Variants in AP2M1 observed in about 807,000 individuals in gnomAD.
AP2M1 encodes adaptor related protein complex 2 subunit mu 1, also known as AP-2 complex subunit mu.
In AP2M1, 5 loss-of-function variants were observed where a neutral mutation model predicts 54.5. That is an observed-to-expected ratio of 0.09 (90% confidence interval 0.05 to 0.19). The LOEUF is 0.19. AP2M1 is among the 10% of genes least tolerant of loss of function. The probability of loss-of-function intolerance (pLI) is 1.00; values close to 1 mark genes in which losing one functional copy is unlikely to be tolerated. For missense variants in AP2M1, 178 were observed against 580.2 expected (o/e 0.31, Z 7.12); for synonymous variants, 186 against 208.2 (o/e 0.89, Z 0.92).
chr3:184,181,509 G>T lies in AP2M1; in HGVS notation c.708-187G>T. Reference sequence around the variant, plus strand: ...GAAACACCCAGGTCCCTAGCAGAAGGAGCCCCAAGAGATGAGCTTGCAAGG... The same window carrying T: ...GAAACACCCAGGTCCCTAGCAGAAGTAGCCCCAAGAGATGAGCTTGCAAGG... On this transcript the variant is annotated intron_variant, in intron 7 of 11. Transcript: ENST00000292807. This position sits in a 1 kb window ranked among gnomAD's most constrained non-coding sequence, Gnocchi z 5.7. 1 of 883,414 alleles carries T rather than the reference G, an allele frequency of 1.1e-6. No homozygotes were observed. The highest frequency in any genetic ancestry group is 1.7e-5 in the South Asian group (1 of 57,318). 54.7% of individuals were successfully genotyped at this position (883,414 alleles called of 1,614,324 possible). A position where few individuals can be genotyped will look rare whatever the true frequency, so the allele number is the denominator to read the frequency against.
In AP2M1 at chr3:184,181,110, G is replaced by A. The variant is rs771453400; in HGVS notation, c.591G>A (p.Ser197=). 40 of 1,614,030 alleles carry A rather than the reference G, an allele frequency of 2.5e-5. No homozygotes were observed. The highest frequency in any genetic ancestry group is 2.0e-4 in the South Asian group (18 of 91,076). The change falls in exon 7 of 12, where the codon TCG becomes TCA. Residue 197 remains serine (S), a synonymous_variant. Transcript: ENST00000292807. This position sits in a 1 kb window ranked among gnomAD's most constrained non-coding sequence, Gnocchi z 5.7. ...GGCAGGTGCTGAGTGCCCATGTGTCGGGCCGGGTGGTGATGAAGAGCTACC... is the reference window on the plus strand; with the variant it reads ...GGCAGGTGCTGAGTGCCCATGTGTCAGGCCGGGTGGTGATGAAGAGCTACC... ...PQGQVLSAHV[S]GRVVMKSYLS...
In AP2M1 at chr3:184,181,275, C is replaced by A. The variant is rs1386981023; in HGVS notation, c.707+49C>A. 3.1e-6 allele frequency: 5 copies of A among 1,609,270 alleles called. No homozygotes were observed. The highest frequency in any genetic ancestry group is 2.5e-6 in the Non-Finnish European group (3 of 1,177,322). ...GGGAGAGGGTGTCCCTTGGAGGGCT[C>A]AGTGGGGTCTAGTGAACCACAAGTT... is the stretch of plus-strand genomic sequence containing the variant. On this transcript the variant is annotated intron_variant, in intron 7 of 11. Transcript: ENST00000292807. This position sits in a 1 kb window ranked among gnomAD's most constrained non-coding sequence, Gnocchi z 5.7.
chr3:184,179,148 G>A, intron 3 of AP2M1, 26 bp downstream of exon 3: 1 of 1,607,924 alleles, frequency 6.2e-7, no homozygotes, highest in Non-Finnish European at 8.5e-7. Flanking sequence ...TGGCACGGCA[G>A]CGGGCGTAGG....
chr3:184,183,138 T>C lies in AP2M1; in HGVS notation c.1173+270T>C. 1 of 562,850 alleles carries C rather than the reference T, an allele frequency of 1.8e-6. No individual in the cohort carries two copies. The allele number at this position is 562,850 out of a possible 1,614,324, so 34.9% of individuals were successfully genotyped here. A position where few individuals can be genotyped will look rare whatever the true frequency, so the allele number is the denominator to read the frequency against. Reference sequence around the variant, plus strand: ...TTTAAATGCCAGGTAAGACACAAAGTTTACTTACAGACAGGATAATGGGCT... The same window carrying C: ...TTTAAATGCCAGGTAAGACACAAAGCTTACTTACAGACAGGATAATGGGCT... On this transcript the variant is annotated intron_variant, in intron 11 of 11. Coordinates refer to ENST00000292807, the MANE Select transcript of AP2M1 (RefSeq NM_004068.4). This position sits in a 1 kb window ranked among gnomAD's most constrained non-coding sequence, Gnocchi z 5.7.
Position 184,179,205 on chromosome 3 carries a change from C to T in AP2M1, c.340+83C>T, listed in dbSNP as rs756456772. On this transcript the variant is annotated intron_variant, in intron 3 of 11. Coordinates refer to ENST00000292807, the MANE Select transcript of AP2M1 (RefSeq NM_004068.4). ...CCTGGCCTGAAGGTGGGTGTAGGTC[C>T]GAGGCTCTGGTACACTCTGAACTTT... is the stretch of plus-strand genomic sequence containing the variant. 87 of 1,518,996 alleles carry T rather than the reference C, an allele frequency of 5.7e-5. 1 individual carries two copies. The highest frequency in any genetic ancestry group is 4.0e-4 in the South Asian group (33 of 81,828). The allele number at this position is 1,518,996 out of a possible 1,614,324, so 94.1% of individuals were successfully genotyped here.
intron 2 of AP2M1, among the ~76,000 whole-genome samples, chr3:184,177,344 GC>G (rs1173052108): frequency 1.3e-5 from 2 of 152,228 alleles, no homozygotes; most frequent in Admixed American, 6.5e-5. Flanking sequence ...TAGTTACAGT[GC>G]CTTTGCCCAG....
In AP2M1 at chr3:184,180,597, C is replaced by G; in HGVS notation, c.424-48C>G. ...TCATAGCTTTCTCCTCCTTTTCTGCCTCCCTTGCTGCTTCATGTGGGCACC... is the reference window on the plus strand; with the variant it reads ...TCATAGCTTTCTCCTCCTTTTCTGCGTCCCTTGCTGCTTCATGTGGGCACC... On this transcript the variant is annotated intron_variant, in intron 4 of 11. Transcript: ENST00000292807. The surrounding 1 kb of genome is among the most constrained non-coding windows in gnomAD (Gnocchi z 4.9). 1 of 1,613,042 alleles carries G rather than the reference C, an allele frequency of 6.2e-7. No individual in the cohort carries two copies. Among genetic ancestry groups the G allele is most frequent in the South Asian group, 1.1e-5 (1 of 91,028 alleles).
Position 184,181,364 on chromosome 3 carries a change from G to A in AP2M1, c.707+138G>A, listed in dbSNP as rs921073231. 2.1e-5 allele frequency: 27 copies of A among 1,310,188 alleles called. No homozygotes were observed. Among genetic ancestry groups the A allele is most frequent in the Middle Eastern group, 2.7e-4 (1 of 3,756 alleles). 81.2% of individuals were successfully genotyped at this position (1,310,188 alleles called of 1,614,324 possible). A position where few individuals can be genotyped will look rare whatever the true frequency, so the allele number is the denominator to read the frequency against. On this transcript the variant is annotated intron_variant, in intron 7 of 11. Coordinates refer to ENST00000292807, the MANE Select transcript of AP2M1 (RefSeq NM_004068.4). The surrounding 1 kb of genome is among the most constrained non-coding windows in gnomAD (Gnocchi z 5.7). ...TTCCTGACGGTAAGCCTGGCTGTTCGCTCTTGACATTAGTGCTACGAGAGA... is the reference window on the plus strand; with the variant it reads ...TTCCTGACGGTAAGCCTGGCTGTTCACTCTTGACATTAGTGCTACGAGAGA...
chr3:184,177,998 C>G, intron 2 of AP2M1: 1 of 653,076 alleles, frequency 1.5e-6, no homozygotes, highest in Non-Finnish European at 2.7e-6. Context: ...CTGTCTGAAC[C>G]TGGCTGGCTA....
In AP2M1 at chr3:184,182,120, CAG is replaced by C. The variant is rs779097261; in HGVS notation, c.964-28_964-27del. ...AAAGGTAGCTGATGTCACAGCTTGACAGAGCTCCCTGACAGGTGTGTCACTTC... is the reference window on the plus strand; with the variant it reads ...AAAGGTAGCTGATGTCACAGCTTGACAGCTCCCTGACAGGTGTGTCACTTC... On this transcript the variant is annotated intron_variant, in intron 9 of 11. Coordinates refer to ENST00000292807, the MANE Select transcript of AP2M1 (RefSeq NM_004068.4). The surrounding 1 kb of genome is among the most constrained non-coding windows in gnomAD (Gnocchi z 5.5). 7 of 1,612,628 alleles carry C rather than the reference CAG, an allele frequency of 4.3e-6. No homozygotes were observed. In the South Asian group the frequency reaches 6.6e-5, roughly 15 times the overall value.
chr3:184,176,628 A>C, intron 1 of AP2M1: 1 of 343,694 alleles, frequency 2.9e-6, no homozygotes, highest in Admixed American at 4.8e-5. Flanking sequence ...GAGAGTCTGC[A>C]CAGGAGGGGG....
chr3:184,180,413 C>T lies in AP2M1; in HGVS notation c.423+162C>T. 7 of 1,060,784 alleles carry T rather than the reference C, an allele frequency of 6.6e-6. No individual in the cohort carries two copies. The highest frequency in any genetic ancestry group is 9.6e-6 in the Non-Finnish European group (7 of 732,720). The allele number at this position is 1,060,784 out of a possible 1,614,324, so 65.7% of individuals were successfully genotyped here. On this transcript the variant is annotated intron_variant, in intron 4 of 11. Transcript: ENST00000292807. This position sits in a 1 kb window ranked among gnomAD's most constrained non-coding sequence, Gnocchi z 4.9. ...GCAGGCCGATTTTGCTCTGTGTGGT[C>T]CTCCCACTGCAGGAGCAGCCAATTC...
intron 2 of AP2M1, chr3:184,177,775 T>C: frequency 1.5e-6 from 1 of 666,864 alleles, no homozygotes; most frequent in Non-Finnish European, 2.5e-6. Context: ...AAGGGACCTA[T>C]CCTAGCCTCC....
In AP2M1 at chr3:184,179,076, G is replaced by A; in HGVS notation, c.294G>A (p.Glu98=). 6.2e-7 allele frequency: 1 copy of A among 1,614,110 alleles called. No individual in the cohort carries two copies. Among genetic ancestry groups the A allele is most frequent in the African/African-American group, 1.3e-5 (1 of 75,034 alleles). Residue 98 remains glutamate, a synonymous_variant, in exon 3 of 12, where the codon GAG becomes GAA. Coordinates refer to ENST00000292807, the MANE Select transcript of AP2M1 (RefSeq NM_004068.4). Reference sequence around the variant, plus strand: ...CTGCCTACTTTGGCAAGATCAGCGAGGAAAACATCAAGAACAATTTTGTGC... The same window carrying A: ...CTGCCTACTTTGGCAAGATCAGCGAAGAAAACATCAAGAACAATTTTGTGC... ...VMAAYFGKIS[E]ENIKNNFVLI...
At chr3:184,175,731 C>T (rs843346) in intron 1 of AP2M1, among the ~76,000 whole-genome samples, 27,702 of 152,088 alleles carry the variant, frequency 0.18, 3,256 homozygotes, top group South Asian at 0.37. Context: ...TTGCCCAAGG[C>T]CCCCCTCTGG....
Position 184,180,503 on chromosome 3 carries a change from G to C in AP2M1, c.424-142G>C. The C allele has an allele frequency of 7.4e-7, 1 of 1,342,558 alleles. No homozygotes were observed. The highest frequency in any genetic ancestry group is 1.0e-6 in the Non-Finnish European group (1 of 961,102). 83.2% of individuals were successfully genotyped at this position (1,342,558 alleles called of 1,614,324 possible). A position where few individuals can be genotyped will look rare whatever the true frequency, so the allele number is the denominator to read the frequency against. ...TTTTGCACTGAGGGGTGGGGGAGGA[G>C]GCCTGGTCTTGAGGCCTGGTATTCC... On this transcript the variant is annotated intron_variant, in intron 4 of 11. Transcript: ENST00000292807. This position sits in a 1 kb window ranked among gnomAD's most constrained non-coding sequence, Gnocchi z 4.9.
In AP2M1 at chr3:184,178,288, T is replaced by C. The variant is rs1665597763; in HGVS notation, c.75-569T>C. 2.0e-6 allele frequency: 3 copies of C among 1,507,574 alleles called. No individual in the cohort carries two copies. Among genetic ancestry groups the C allele is most frequent in the African/African-American group, 2.8e-5 (2 of 72,384 alleles). The allele number at this position is 1,507,574 out of a possible 1,614,324, so 93.4% of individuals were successfully genotyped here. A position where few individuals can be genotyped will look rare whatever the true frequency, so the allele number is the denominator to read the frequency against. On this transcript the variant is annotated intron_variant, in intron 2 of 11. Transcript: ENST00000292807. The surrounding 1 kb of genome is among the most constrained non-coding windows in gnomAD (Gnocchi z 4.9). The stretch of plus-strand genomic sequence containing the variant: ...TGGGGGCCTGCCCCCATCGTTTTCC[T>C]GCATCCTTTTTCATTCCCTCAACTT...
Position 184,178,770 on chromosome 3 carries a change from G to A in AP2M1, c.75-87G>A. 6.6e-7 allele frequency: 1 copy of A among 1,507,054 alleles called. No individual in the cohort carries two copies. The highest frequency in any genetic ancestry group is 1.3e-5 in the South Asian group (1 of 79,142). The allele number at this position is 1,507,054 out of a possible 1,614,324, so 93.4% of individuals were successfully genotyped here. ...TGTGTCAGACTTCTGCAGAAAGGAG[G>A]GTGGGGCTGTTAGCAGCTGTGGTTG... On this transcript the variant is annotated intron_variant, in intron 2 of 11. Transcript: ENST00000292807. This position sits in a 1 kb window ranked among gnomAD's most constrained non-coding sequence, Gnocchi z 4.9.
chr3:184,178,285 T>C lies in AP2M1; in HGVS notation c.75-572T>C. 1 of 1,511,536 alleles carries C rather than the reference T, an allele frequency of 6.6e-7. No homozygotes were observed. 93.6% of individuals were successfully genotyped at this position (1,511,536 alleles called of 1,614,324 possible). ...GGGTGGGGGCCTGCCCCCATCGTTTTCCTGCATCCTTTTTCATTCCCTCAA... is the reference window on the plus strand; with the variant it reads ...GGGTGGGGGCCTGCCCCCATCGTTTCCCTGCATCCTTTTTCATTCCCTCAA... On this transcript the variant is annotated intron_variant, in intron 2 of 11. Coordinates refer to ENST00000292807, the MANE Select transcript of AP2M1 (RefSeq NM_004068.4). This position sits in a 1 kb window ranked among gnomAD's most constrained non-coding sequence, Gnocchi z 4.9.
Sources: gnomAD v4.1 joint callset for allele counts (sites outside exome capture counted in the v4.1 genomes callset) on GRCh38, gnomAD v4.1.1 for gene constraint, Gnocchi (gnomAD v3.1) non-coding constraint, MANE v1.5 for transcripts, NCBI Gene and HGNC (gene_info 2026-07-23, HGNC 2026-07-21) for gene names.